The following DPYD variants were observed in gnomAD, a reference collection of about 807,000 sequenced individuals.
DPYD encodes the protein dihydropyrimidine dehydrogenase, also known as dihydropyrimidine dehydrogenase [NADP(+)].
A neutral mutation model predicts 116.2 loss-of-function variants in DPYD; 109 were observed. The ratio of observed to expected loss-of-function variants is 0.94; its 90% CI spans 0.80 to 1.10. The LOEUF is 1.10. Ranked by LOEUF, DPYD falls within the 50% of genes least tolerant of loss-of-function variation. The pLI is 0.00. For missense variants in DPYD, 1,302 were observed against 1,254.5 expected (o/e 1.04, Z -0.57); for synonymous variants, 440 against 432.0 (o/e 1.02, Z -0.23).
At chr1:97,770,156 G>A (rs1481199074) in intron 3 of DPYD, among the ~76,000 whole-genome samples, 1 of 152,178 alleles carries the variant, frequency 6.6e-6, no homozygotes, top group Non-Finnish European at 1.5e-5. Context: ...ACCTGCCTAA[G>A]TTTGAAGCTC....
chr1:97,593,919 T>G (rs995763738), intron 9 of DPYD, among the ~76,000 whole-genome samples: 7 of 152,202 alleles, frequency 4.6e-5, no homozygotes, highest in Admixed American at 3.9e-4. Flanking sequence ...GAGAACTATT[T>G]TCTTGAAATA....
At position 97,384,234 on chromosome 1, in the gene DPYD, T is replaced by C. The variant is rs1440693707; in HGVS notation, c.1906-1773A>G. Among the ~76,000 whole-genome samples, 4 of 145,534 alleles carry C rather than the reference T, an allele frequency of 2.7e-5. No individual in the cohort carries two copies. The South Asian group carries it at 7.2e-4, about 26-fold the overall frequency. On this transcript the variant is annotated intron_variant, in intron 14 of 22. Transcript: ENST00000370192. ...GTGCTCTCACTACATAGAGCTTTTTTATTTACTTTGAGAAAAAAAAAAAAA... is the reference window on the plus strand; with the variant it reads ...GTGCTCTCACTACATAGAGCTTTTTCATTTACTTTGAGAAAAAAAAAAAAA...
intron 19 of DPYD, among the ~76,000 whole-genome samples, chr1:97,223,658 A>G (rs1660925313): frequency 2.6e-5 from 4 of 152,114 alleles, no homozygotes; most frequent in Admixed American, 2.6e-4. Context: ...TATCACTGAA[A>G]GCAACTGACT....
intron 2 of DPYD, among the ~76,000 whole-genome samples, chr1:97,841,575 G>C (rs1670037133): frequency 6.6e-6 from 1 of 151,998 alleles, no homozygotes; most frequent in Non-Finnish European, 1.5e-5. Flanking sequence ...TCAATGCTAT[G>C]ACAGCTCAAG....
chr1:97,759,127 AT>A (rs1665431361), intron 3 of DPYD, among the ~76,000 whole-genome samples: 1 of 152,014 alleles, frequency 6.6e-6, no homozygotes. Flanking sequence ...GTGGGACTAA[AT>A]TTTTTGGCTT....
chr1:97,724,333 T>C (rs996311380), intron 4 of DPYD, among the ~76,000 whole-genome samples: 13 of 142,136 alleles, frequency 9.1e-5, no homozygotes, highest in Non-Finnish European at 1.9e-4. Context: ...TGTGTGTGTG[T>C]GTGTGTGTGT....
At chr1:97,514,648 C>A (rs1207558146) in intron 13 of DPYD, among the ~76,000 whole-genome samples, 1 of 151,610 alleles carries the variant, frequency 6.6e-6, no homozygotes, top group East Asian at 1.9e-4. Flanking sequence ...TTCAGTTGAT[C>A]TATTTGAAAA....
At chr1:97,249,919 A>G (rs754540611) in intron 18 of DPYD, among the ~76,000 whole-genome samples, 1 of 152,194 alleles carries the variant, frequency 6.6e-6, no homozygotes, top group African/African-American at 2.4e-5. Flanking sequence ...GATAACACCA[A>G]ATGTTGATAA....
chr1:97,219,682 A>T (rs1660656498), intron 19 of DPYD, among the ~76,000 whole-genome samples: 1 of 152,194 alleles, frequency 6.6e-6, no homozygotes, highest in Admixed American at 6.5e-5. Context: ...AAAAATGAAC[A>T]AGATGCCATG....
intron 14 of DPYD, among the ~76,000 whole-genome samples, chr1:97,441,344 G>T (rs1265661436): frequency 6.6e-6 from 1 of 151,816 alleles, no homozygotes; most frequent in Non-Finnish European, 1.5e-5. Context: ...CATATATTAG[G>T]CCACTTATTG....
In DPYD at chr1:97,628,902, C is replaced by G. The variant is rs76208061; in HGVS notation, c.851-33736G>C. ...AGAGGACAGTGGTTATTTGCTCAGA[C>G]TTTAGAACTAGATACCTTGAGTTCA... On this transcript the variant is annotated intron_variant, in intron 8 of 22. Transcript: ENST00000370192. Among the ~76,000 whole-genome samples the G allele has an allele frequency of 6.2e-3, 948 of 152,088 alleles. 14 individuals carry two copies. Among genetic ancestry groups the G allele is most frequent in the African/African-American group, 0.022 (901 of 41,512 alleles).
At chr1:97,562,498 C>T (rs1470099212) in intron 11 of DPYD, among the ~76,000 whole-genome samples, 1 of 152,044 alleles carries the variant, frequency 6.6e-6, no homozygotes, top group Non-Finnish European at 1.5e-5. Flanking sequence ...CAAAATATAA[C>T]AAGTATGGTT....
chr1:97,080,271 G>T (rs1557850624), intron 22 of DPYD, among the ~76,000 whole-genome samples: 1 of 152,054 alleles, frequency 6.6e-6, no homozygotes, highest in East Asian at 1.9e-4. Context: ...ACCCCTTGAG[G>T]CCAGGTCTAC....
chr1:97,334,955 G>GTGT (rs1006482169), intron 16 of DPYD, among the ~76,000 whole-genome samples: 1 of 152,172 alleles, frequency 6.6e-6, no homozygotes, highest in African/African-American at 2.4e-5. Flanking sequence ...GTGTGTAAGT[G>GTGT]TGTTACCACG....
At chr1:97,376,497 C>A (rs932577913) in intron 15 of DPYD, among the ~76,000 whole-genome samples, 1 of 152,138 alleles carries the variant, frequency 6.6e-6, no homozygotes, top group Non-Finnish European at 1.5e-5. Context: ...CAAAAACAGA[C>A]AATGCTGTTC....
At chr1:97,494,199 TTTTG>T (rs1351693510) in intron 13 of DPYD, among the ~76,000 whole-genome samples, 1 of 152,086 alleles carries the variant, frequency 6.6e-6, no homozygotes, top group African/African-American at 2.4e-5. Flanking sequence ...ATGTTTTAAT[TTTTG>T]TTTGTTTGTT....
chr1:97,730,447 C>T (rs946293326), intron 4 of DPYD, among the ~76,000 whole-genome samples: 1 of 152,072 alleles, frequency 6.6e-6, no homozygotes, highest in African/African-American at 2.4e-5. Context: ...TGGTCTTGAA[C>T]TCCTGACTAC....
chr1:97,729,317 G>A (rs770480841), intron 4 of DPYD, among the ~76,000 whole-genome samples: 9 of 151,818 alleles, frequency 5.9e-5, no homozygotes, highest in East Asian at 1.9e-4. Context: ...TCTCAGCCTC[G>A]GTTTCATCAC....
At chr1:97,540,738 A>C (rs1650391526) in intron 12 of DPYD, among the ~76,000 whole-genome samples, 1 of 152,174 alleles carries the variant, frequency 6.6e-6, no homozygotes, top group Non-Finnish European at 1.5e-5. Context: ...GTTGGGGAGC[A>C]GGGCTGAAAG....
Sources: gnomAD v4.1 joint callset for allele counts (sites outside exome capture counted in the v4.1 genomes callset) on GRCh38, gnomAD v4.1.1 for gene constraint, MANE v1.5 for transcripts, NCBI Gene and HGNC (gene_info 2026-07-23, HGNC 2026-07-21) for gene names.